Variants in DPT observed in about 807,000 individuals in gnomAD.
DPT encodes tyrosine-rich acidic matrix protein.
Under a neutral mutation model 31.2 loss-of-function variants are expected in DPT, and 21 were observed. The ratio of observed to expected loss-of-function variants is 0.67; its 90% CI spans 0.48 to 0.97. The LOEUF (loss-of-function observed/expected upper bound fraction) is 0.97, where lower values mean the gene tolerates loss of function less well. Ranked by LOEUF, DPT falls within the 50% of genes least tolerant of loss-of-function variation. The pLI, the probability that DPT is intolerant of heterozygous loss-of-function variation, is 0.00. For synonymous variants in DPT, 91 were observed against 86.9 expected, an observed-to-expected ratio of 1.05 and a Z score of -0.26; for missense variants, 262 against 258.8, an observed-to-expected ratio of 1.01 and a Z score of -0.08.
At chr1:168,701,195 A>C (rs1023490407) in intron 2 of DPT, 71 bp from the exon 3 acceptor site, 20 of 1,180,306 alleles carry the variant, frequency 1.7e-5, no homozygotes, top group African/African-American at 4.5e-5. Flanking sequence ...CAGAAGACAC[A>C]CTATGAAGAA....
At chr1:168,705,602 G>A (rs1394156282) in intron 2 of DPT, among the ~76,000 whole-genome samples, 2 of 152,084 alleles carry the variant, frequency 1.3e-5, no homozygotes, top group African/African-American at 4.8e-5. Flanking sequence ...TTATAGCCCA[G>A]CTTATGCTCA....
At chr1:168,717,775 T>TGA (rs1650018130) in intron 1 of DPT, among the ~76,000 whole-genome samples, 1 of 152,230 alleles carries the variant, frequency 6.6e-6, no homozygotes, top group Non-Finnish European at 1.5e-5. Flanking sequence ...TTTCTGCATA[T>TGA]GACTGATGTA....
At chr1:168,728,056 T>G (rs936520022) in intron 1 of DPT, among the ~76,000 whole-genome samples, 3 of 152,090 alleles carry the variant, frequency 2.0e-5, no homozygotes, top group African/African-American at 7.2e-5. Flanking sequence ...TAGGATGAGC[T>G]CCTGACCAAG....
At chr1:168,722,849 AACACACACACACACAC>A (rs10585221) in intron 1 of DPT, among the ~76,000 whole-genome samples, 1 of 149,814 alleles carries the variant, frequency 6.7e-6, no homozygotes, top group East Asian at 2.0e-4. Flanking sequence ...CCCTCAAAGA[AACACACACACACACAC>A]ACACACACAC....
chr1:168,701,929 T>G (rs943975358), intron 2 of DPT, among the ~76,000 whole-genome samples: 23 of 152,216 alleles, frequency 1.5e-4, no homozygotes, highest in Non-Finnish European at 2.4e-4. Flanking sequence ...AGGTGTTGAA[T>G]CACTAAGAAC....
chr1:168,696,371 A>G lies in DPT; in HGVS notation c.*178T>C, dbSNP rs1388796173. The G allele has an allele frequency of 8.4e-6, 5 of 592,354 alleles. No homozygotes were observed. The highest frequency in any genetic ancestry group is 1.5e-5 in the Non-Finnish European group (5 of 334,132). 36.7% of individuals were successfully genotyped at this position (592,354 alleles called of 1,614,324 possible). A position where few individuals can be genotyped will look rare whatever the true frequency, so the allele number is the denominator to read the frequency against. ...GAAACATGGTTTAATTGTGGATTTT[A>G]TTAGAAGTGTGATACTAGTCAGAAA... On this transcript the variant is annotated 3_prime_UTR_variant, in exon 4 of 4. Coordinates refer to ENST00000367817, the MANE Select transcript of DPT (RefSeq NM_001937.5).
chr1:168,705,940 A>G (rs1328325183), intron 2 of DPT, among the ~76,000 whole-genome samples: 2 of 152,230 alleles, frequency 1.3e-5, no homozygotes, highest in Non-Finnish European at 2.9e-5. Context: ...TGCCATCCAC[A>G]TAAGATGTGG....
At chr1:168,713,157 C>T (rs976392064) in intron 2 of DPT, among the ~76,000 whole-genome samples, 3 of 152,182 alleles carry the variant, frequency 2.0e-5, no homozygotes, top group Non-Finnish European at 4.4e-5. Flanking sequence ...CCAGTGGCAT[C>T]GTAATCCTTT....
At chr1:168,715,279 C>T (rs542088034) in intron 1 of DPT, among the ~76,000 whole-genome samples, 1 of 152,280 alleles carries the variant, frequency 6.6e-6, no homozygotes, top group African/African-American at 2.4e-5. Flanking sequence ...TTCCTTTGTT[C>T]CATCTCTAGT....
chr1:168,725,301 C>G (rs1251470526), intron 1 of DPT, among the ~76,000 whole-genome samples: 1 of 136,340 alleles, frequency 7.3e-6, no homozygotes, highest in East Asian at 2.2e-4. Flanking sequence ...TCCTTCAATC[C>G]TTCCTTCCTC....
At chr1:168,720,159 T>C (rs879665648) in intron 1 of DPT, among the ~76,000 whole-genome samples, 5 of 152,112 alleles carry the variant, frequency 3.3e-5, no homozygotes, top group African/African-American at 9.7e-5. Flanking sequence ...CCTAAGGCAC[T>C]GTGTGGAGTC....
chr1:168,714,299 C>T lies in DPT; in HGVS notation c.353G>A (p.Arg118His), dbSNP rs1184788060. 39 of 1,614,074 alleles carry T rather than the reference C, an allele frequency of 2.4e-5. No individual in the cohort carries two copies. Among genetic ancestry groups the T allele is most frequent in the African/African-American group, 4.0e-5 (3 of 75,014 alleles). The stretch of plus-strand genomic sequence containing the variant: ...CCGATCCAGCACTGACTCGAAGTAG[C>T]GGCTCTGGAATCCTGCCACCAGCCC... ...NNGLVAGFQS[R>H]YFESVLDREW... The change falls in exon 2 of 4, where the codon CGC becomes CAC. Residue 118 changes from arginine (R) to histidine (H), a missense_variant. Physicochemically the swap from Arg to His is conservative, Grantham distance 29. Coordinates refer to ENST00000367817, the MANE Select transcript of DPT (RefSeq NM_001937.5).
At chr1:168,710,907 G>T (rs1487010549) in intron 2 of DPT, among the ~76,000 whole-genome samples, 1 of 152,022 alleles carries the variant, frequency 6.6e-6, no homozygotes, top group Non-Finnish European at 1.5e-5. Context: ...CAGATCCACG[G>T]AATATGGGAA....
At chr1:168,713,498 T>C (rs548239102) in intron 2 of DPT, among the ~76,000 whole-genome samples, 109 of 152,286 alleles carry the variant, frequency 7.2e-4, no homozygotes, top group African/African-American at 2.5e-3. Flanking sequence ...TGGATCCCCT[T>C]GCCCAAGGCA....
intron 1 of DPT, among the ~76,000 whole-genome samples, chr1:168,726,735 C>A (rs1369961235): frequency 2.0e-5 from 3 of 152,242 alleles, no homozygotes; most frequent in Non-Finnish European, 4.4e-5. Flanking sequence ...ACTGGAGGGA[C>A]AGTTGTAATT....
Position 168,696,626 on chromosome 1 carries a change from G to T in DPT, c.540-11C>A. The T allele has an allele frequency of 6.2e-7, 1 of 1,612,810 alleles. No individual in the cohort carries two copies. The highest frequency in any genetic ancestry group is 2.2e-5 in the East Asian group (1 of 44,876). On this transcript the variant is annotated splice_polypyrimidine_tract_variant and intron_variant, in intron 3 of 3. Coordinates refer to ENST00000367817, the MANE Select transcript of DPT (RefSeq NM_001937.5). ...TTCCACTGGCGATCCCTGTGGGAGG[G>T]AGAGTCAGAAAATGAATGTCAGTGA...
intron 1 of DPT, among the ~76,000 whole-genome samples, chr1:168,722,649 C>T (rs921611981): frequency 1.3e-5 from 2 of 152,138 alleles, no homozygotes; most frequent in Non-Finnish European, 2.9e-5. Flanking sequence ...CCTAAGGACA[C>T]AAGTTAATGT....
At chr1:168,714,803 G>A (rs1649942622) in intron 1 of DPT, among the ~76,000 whole-genome samples, 1 of 152,222 alleles carries the variant, frequency 6.6e-6, no homozygotes, top group Admixed American at 6.5e-5. Flanking sequence ...CCTAAGAGAA[G>A]AGCCCTGGAA....
intron 2 of DPT, among the ~76,000 whole-genome samples, chr1:168,712,833 G>A (rs1296852020): frequency 6.6e-6 from 1 of 152,156 alleles, no homozygotes; most frequent in African/African-American, 2.4e-5. Context: ...GGGAGTTTAA[G>A]GACTCCCGAA....
Sources: gnomAD v4.1 joint callset for allele counts (sites outside exome capture counted in the v4.1 genomes callset) on GRCh38, gnomAD v4.1.1 for gene constraint, MANE v1.5 for transcripts, NCBI Gene and HGNC (gene_info 2026-07-23, HGNC 2026-07-21) for gene names.